APC: variants seen among roughly 807,000 people sequenced by gnomAD.
APC encodes APC regulator of Wnt signaling pathway.
A neutral mutation model predicts 247.0 loss-of-function variants in APC; 72 were observed. That is an observed-to-expected ratio of 0.29 (90% CI 0.24 to 0.35). The LOEUF (loss-of-function observed/expected upper bound fraction) is 0.35. APC is among the 10% of genes least tolerant of loss of function. The probability of loss-of-function intolerance (pLI) is 1.00; values close to 1 mark genes in which losing one functional copy is unlikely to be tolerated. For synonymous variants in APC, 1,254 were observed against 1,162.5 expected (o/e 1.08, Z -1.60); for missense variants, 3,400 against 3,360.7 (o/e 1.01, Z -0.29).
At position 112,838,423 on chromosome 5, in the gene APC, A is replaced by C. The variant is rs1338601411; in HGVS notation, c.2829A>C (p.Ser943=). 6.2e-7 allele frequency: 1 copy of C among 1,614,234 alleles called. No individual in the cohort carries two copies. The highest frequency in any genetic ancestry group is 8.5e-7 in the Non-Finnish European group (1 of 1,180,028). The change falls in exon 16 of 16, where the codon TCA becomes TCC. Residue 943 remains serine, a synonymous_variant. Transcript: ENST00000257430. The part of the protein sequence containing the change: ...NTYNFTKSEN[S]NRTCSMPYAK... ...ACAATTTCACTAAGTCGGAAAATTC[A>C]AATAGGACATGTTCTATGCCTTATG... is the stretch of plus-strand genomic sequence containing the variant.
Position 112,837,781 on chromosome 5 carries a change from C to T in APC, c.2187C>T (p.Leu729=), listed in dbSNP as rs376015279. ...GAAGTGCTGCAGCTTTAAGGAATCT[C>T]ATGGCAAATAGGCCTGCGAAGTACA... The part of the protein sequence containing the change: ...AMGSAAALRN[L]MANRPAKYKD... Residue 729 remains leucine, a synonymous_variant, in exon 16 of 16, where the codon CTC becomes CTT. Coordinates refer to ENST00000257430, the MANE Select transcript of APC (RefSeq NM_000038.6). The T allele has an allele frequency of 1.9e-6, 3 of 1,613,970 alleles. No homozygotes were observed. The highest frequency in any genetic ancestry group is 1.7e-6 in the Non-Finnish European group (2 of 1,180,034).
In APC at chr5:112,839,951, C is replaced by A. The variant is rs1765660801; in HGVS notation, c.4357C>A (p.Pro1453Thr). ...AACAGCTCAAACCAAGCGAGAAGTACCTAAAAATAAAGCACCTACTGCTGA... is the reference window on the plus strand; with the variant it reads ...AACAGCTCAAACCAAGCGAGAAGTAACTAAAAATAAAGCACCTACTGCTGA... ...PQTAQTKREV[P>T]KNKAPTAEKR... The change falls in exon 16 of 16, where the codon CCT becomes ACT. Residue 1453 changes from proline (P) to threonine (T), a missense_variant. This residue lies in a region of APC where 1,788 missense variants were observed against 1,649.5 expected (regional missense o/e 1.08). Coordinates refer to ENST00000257430, the MANE Select transcript of APC (RefSeq NM_000038.6). The surrounding 1 kb of genome is among the most constrained non-coding windows in gnomAD (Gnocchi z 5.0). 6.2e-7 allele frequency: 1 copy of A among 1,614,024 alleles called. No individual in the cohort carries two copies. The highest frequency in any genetic ancestry group is 1.3e-5 in the African/African-American group (1 of 75,004).
At chr5:112,758,726 C>T (rs1395404812) in intron 2 of APC, among the ~76,000 whole-genome samples, 1 of 151,888 alleles carries the variant, frequency 6.6e-6, no homozygotes, top group East Asian at 1.9e-4. Flanking sequence ...TCCTGGGCTC[C>T]CAGAGTAGCT....
At chr5:112,793,767 G>A (rs184577044) in intron 7 of APC, among the ~76,000 whole-genome samples, 162 of 152,046 alleles carry the variant, frequency 1.1e-3, no homozygotes, top group Non-Finnish European at 9.6e-4. Context: ...TTTTAACAAG[G>A]GGCTTAGTTT....
chr5:112,743,896 T>A (rs1301970774), intron 1 of APC, among the ~76,000 whole-genome samples: 1 of 152,172 alleles, frequency 6.6e-6, no homozygotes, highest in East Asian at 1.9e-4. Flanking sequence ...GTTTGTTGGT[T>A]TTTTTCCCTC....
intron 1 of APC, among the ~76,000 whole-genome samples, chr5:112,747,474 A>T (rs765596506): frequency 2.1e-4 from 32 of 152,212 alleles, no homozygotes; most frequent in Non-Finnish European, 4.1e-4. Flanking sequence ...TCCATATGAA[A>T]CACAATAAAG....
chr5:112,724,986 TA>T (rs562598757), intron 1 of APC, among the ~76,000 whole-genome samples: 16 of 152,292 alleles, frequency 1.1e-4, no homozygotes, highest in South Asian at 2.1e-4. Flanking sequence ...ATTTTTATTT[TA>T]TTTTTTTTTA....
intron 1 of APC, among the ~76,000 whole-genome samples, chr5:112,708,191 C>A (rs1268013127): frequency 6.6e-6 from 1 of 152,222 alleles, no homozygotes; most frequent in African/African-American, 2.4e-5. Context: ...GTCCGCCCTT[C>A]CCATTTTAGT....
At chr5:112,825,630 T>G (rs1763574168) in intron 11 of APC, among the ~76,000 whole-genome samples, 1 of 152,202 alleles carries the variant, frequency 6.6e-6, no homozygotes, top group African/African-American at 2.4e-5. Flanking sequence ...GGCAGGAGAA[T>G]CACTTGAACC....
At position 112,777,927 on chromosome 5, in the gene APC, C is replaced by T. The variant is rs1292031313; in HGVS notation, c.531+2190C>T. ...GTCAGATAAAGATTTTCTGTTTGTG[C>T]CATCTTTTTCTTGACTAGTTTTTTG... On this transcript the variant is annotated intron_variant, in intron 5 of 15. Transcript: ENST00000257430. The T allele has an allele frequency of 2.0e-4, 39 of 190,358 alleles. No homozygotes were observed. In the Admixed American group the frequency reaches 2.1e-3, roughly 10 times the overall value. 11.8% of individuals were successfully genotyped at this position (190,358 alleles called of 1,614,324 possible).
At chr5:112,715,021 C>T (rs1216322739) in intron 1 of APC, among the ~76,000 whole-genome samples, 1 of 152,122 alleles carries the variant, frequency 6.6e-6, no homozygotes, top group African/African-American at 2.4e-5. Flanking sequence ...AATTTAAGAA[C>T]GCCTCATTCC....
rs1457219504 is a variant in APC at position 112,839,476 on chromosome 5, G to T, written c.3882G>T (p.Gln1294His). 1.9e-6 allele frequency: 3 copies of T among 1,614,166 alleles called. No homozygotes were observed. Among genetic ancestry groups the T allele is most frequent in the Non-Finnish European group, 2.5e-6 (3 of 1,180,016 alleles). ...AAATAGGATGTAATCAGACGACACA[G>T]GAAGCAGATTCTGCTAATACCCTGC... ...EDEIGCNQTTQEADSANTLQI... is the reference protein window; with the variant it reads ...EDEIGCNQTTHEADSANTLQI... Residue 1294 changes from glutamine to histidine, a missense_variant, in exon 16 of 16, where the codon CAG becomes CAT. Gln to His is a conservative substitution (Grantham distance 24). This residue lies in a region of APC where 715 missense variants were observed against 656.6 expected (regional missense o/e 1.09). Transcript: ENST00000257430. The surrounding 1 kb of genome is among the most constrained non-coding windows in gnomAD (Gnocchi z 5.0).
Position 112,838,441 on chromosome 5 carries a change from G to T in APC, c.2847G>T (p.Met949Ile), listed in dbSNP as rs147394539. 113 of 1,614,178 alleles carry T rather than the reference G, an allele frequency of 7.0e-5. No homozygotes were observed. The African/African-American group carries it at 8.4e-4, about 12-fold the overall frequency. The stretch of plus-strand genomic sequence containing the variant: ...AAAATTCAAATAGGACATGTTCTAT[G>T]CCTTATGCCAAATTAGAATACAAGA... ...KSENSNRTCS[M>I]PYAKLEYKRS... The change falls in exon 16 of 16, where the codon ATG becomes ATT. Residue 949 changes from methionine (M) to isoleucine (I), a missense_variant. This residue lies in a region of APC where 715 missense variants were observed against 656.6 expected (regional missense o/e 1.09). Transcript: ENST00000257430.
chr5:112,809,317 C>G (rs1293667072), intron 8 of APC, among the ~76,000 whole-genome samples: 1 of 151,944 alleles, frequency 6.6e-6, no homozygotes, highest in Non-Finnish European at 1.5e-5. Flanking sequence ...GCACTGTACT[C>G]CAGCCTAGGC....
rs746274272 is a variant in APC at position 112,792,466 on chromosome 5, G to T, written c.666G>T (p.Gln222His). 2 of 1,610,522 alleles carry T rather than the reference G, an allele frequency of 1.2e-6. No individual in the cohort carries two copies. Among genetic ancestry groups the T allele is most frequent in the South Asian group, 2.2e-5 (2 of 90,528 alleles). Residue 222 changes from glutamine (Q) to histidine (H), a missense_variant, in exon 7 of 16, where the codon CAG (glutamine) becomes CAT (histidine). Around this residue, in one of 9 missense-constraint regions of APC, gnomAD observed 372 missense variants for 367.6 expected, o/e 1.01. Transcript: ENST00000257430. The stretch of plus-strand genomic sequence containing the variant: ...TTTAGCGAAGAATAGCCAGAATTCA[G>T]CAAATCGAAAAGGACATACTTCGTA... ...KRAQRRIARI[Q>H]QIEKDILRIR... is the part of the protein sequence containing the mutation.
rs146419455 is a variant in APC, at chr5:112,765,467, CT to C, written c.136-854del. Among the ~76,000 whole-genome samples the C allele has an allele frequency of 4.6e-3, 695 of 152,222 alleles. 7 individuals carry two copies. Among genetic ancestry groups the C allele is most frequent in the African/African-American group, 0.016 (674 of 41,532 alleles). On this transcript the variant is annotated intron_variant, in intron 2 of 15. Transcript: ENST00000257430. Reference sequence around the variant, plus strand: ...AAACCGTCTTTGCTCCAGTCACTCACTTTTTGACAGGTTTTCCTTTTAATGT... The same window carrying C: ...AAACCGTCTTTGCTCCAGTCACTCACTTTTGACAGGTTTTCCTTTTAATGT...
intron 8 of APC, among the ~76,000 whole-genome samples, 173 bp from the exon 9 acceptor site, chr5:112,815,322 A>G (rs372727555): frequency 6.6e-6 from 1 of 152,258 alleles, no homozygotes; most frequent in Non-Finnish European, 1.5e-5. Flanking sequence ...TCTCTAAAAC[A>G]TACTTAGTAA....
intron 4 of APC, 130 bp downstream of exon 4, chr5:112,767,520 T>G: frequency 1.4e-6 from 1 of 704,024 alleles, no homozygotes; most frequent in Non-Finnish European, 2.4e-6. Flanking sequence ...ATTTTTAAAC[T>G]CAAAGATAGC....
At chr5:112,748,636 C>T (rs539385303) in intron 1 of APC, among the ~76,000 whole-genome samples, 5 of 151,802 alleles carry the variant, frequency 3.3e-5, no homozygotes, top group Non-Finnish European at 7.4e-5. Flanking sequence ...TGGAGGCGGG[C>T]GGATCACTTG....
Sources: gnomAD v4.1 joint callset for allele counts (sites outside exome capture counted in the v4.1 genomes callset) on GRCh38, gnomAD v4.1.1 for gene constraint, gnomAD v4.1.1 regional missense constraint, Gnocchi (gnomAD v3.1) non-coding constraint, MANE v1.5 for transcripts, NCBI Gene and HGNC (gene_info 2026-07-23, HGNC 2026-07-21) for gene names.